The following SPATA17 variants were observed in gnomAD, a reference collection of about 807,000 sequenced individuals.
SPATA17 encodes spermatogenesis-associated protein 17.
SPATA17 carries 53 observed loss-of-function variants against 62.2 expected under a neutral mutation model. The observed-to-expected ratio is 0.85, with a 90% CI of 0.68 to 1.07. The LOEUF (loss-of-function observed/expected upper bound fraction) is 1.07. Among genes scored for constraint, SPATA17 ranks in the 50% least tolerant of loss-of-function variants. The pLI is 0.00. For synonymous variants in SPATA17, 146 were observed against 146.8 expected, an observed-to-expected ratio of 0.99 and a Z score of 0.04; for missense variants, 466 against 425.5, an observed-to-expected ratio of 1.10 and a Z score of -0.84.
intron 5 of SPATA17, among the ~76,000 whole-genome samples, chr1:217,723,432 A>G (rs904394711): frequency 4.6e-5 from 7 of 152,062 alleles, no homozygotes; most frequent in African/African-American, 1.7e-4. Flanking sequence ...CTAACCCCCA[A>G]TCATCCCACC....
chr1:217,672,389 A>G (rs1045097644), intron 4 of SPATA17, among the ~76,000 whole-genome samples: 1 of 152,226 alleles, frequency 6.6e-6, no homozygotes, highest in African/African-American at 2.4e-5. Context: ...CCAGACAGAC[A>G]TATATGTACC....
At chr1:217,640,013 G>T (rs1670023459) in intron 1 of SPATA17, among the ~76,000 whole-genome samples, 3 of 151,268 alleles carry the variant, frequency 2.0e-5, no homozygotes, top group African/African-American at 7.3e-5. Context: ...AATCTGAGTT[G>T]TTCTTGGAAC....
At chr1:217,782,592 A>G (rs947727714) in intron 8 of SPATA17, among the ~76,000 whole-genome samples, 2 of 152,096 alleles carry the variant, frequency 1.3e-5, no homozygotes, top group Non-Finnish European at 2.9e-5. Flanking sequence ...TGTGAAGATA[A>G]TTTTCTTAAT....
intron 9 of SPATA17, among the ~76,000 whole-genome samples, chr1:217,817,915 C>A: frequency 6.6e-6 from 1 of 152,028 alleles, no homozygotes; most frequent in African/African-American, 2.4e-5. Flanking sequence ...TGTATCTCTG[C>A]ATGCTGATTG....
chr1:217,638,704 A>C (rs954322043), intron 1 of SPATA17, among the ~76,000 whole-genome samples: 3 of 152,190 alleles, frequency 2.0e-5, no homozygotes, highest in Non-Finnish European at 4.4e-5. Context: ...GCTACTATGG[A>C]GTTAGAACTA....
chr1:217,864,497 G>A (rs1458444262), intron 10 of SPATA17, among the ~76,000 whole-genome samples: 2 of 151,942 alleles, frequency 1.3e-5, no homozygotes. Flanking sequence ...ATGTATGTGT[G>A]TATACATATA....
intron 5 of SPATA17, among the ~76,000 whole-genome samples, chr1:217,714,271 C>T (rs1394653604): frequency 6.6e-6 from 1 of 151,770 alleles, no homozygotes; most frequent in Non-Finnish European, 1.5e-5. Flanking sequence ...CGCGTGTAAT[C>T]CCAGCTACTC....
intron 5 of SPATA17, among the ~76,000 whole-genome samples, chr1:217,717,910 C>CT (rs35649809): frequency 0.19 from 28,562 of 152,006 alleles, 2,966 homozygotes; most frequent in African/African-American, 0.28. Flanking sequence ...AATAAGAGTC[C>CT]TGTAATTTGG....
chr1:217,854,862 C>T (rs1675746496), intron 9 of SPATA17, among the ~76,000 whole-genome samples: 1 of 152,110 alleles, frequency 6.6e-6, no homozygotes, highest in East Asian at 1.9e-4. Context: ...TCACGGTTTC[C>T]CCAGGGCCAC....
At chr1:217,678,702 A>G (rs1009976786) in intron 4 of SPATA17, among the ~76,000 whole-genome samples, 4 of 152,186 alleles carry the variant, frequency 2.6e-5, no homozygotes, top group Non-Finnish European at 5.9e-5. Context: ...GACCACTTAC[A>G]TTTTGATGTT....
intron 1 of SPATA17, among the ~76,000 whole-genome samples, chr1:217,634,331 T>A (rs547209494): frequency 6.6e-6 from 1 of 152,168 alleles, no homozygotes; most frequent in African/African-American, 2.4e-5. Context: ...TTTTTAAGTA[T>A]GATTTGATGG....
At chr1:217,671,362 C>T (rs969788817) in intron 4 of SPATA17, among the ~76,000 whole-genome samples, 3 of 152,166 alleles carry the variant, frequency 2.0e-5, no homozygotes, top group African/African-American at 4.8e-5. Flanking sequence ...CCTCTTATCC[C>T]ACTTCTCCAC....
chr1:217,633,144 G>C (rs897362349), intron 1 of SPATA17, among the ~76,000 whole-genome samples: 2 of 152,130 alleles, frequency 1.3e-5, no homozygotes, highest in South Asian at 4.1e-4. Context: ...GTTGTAGTGA[G>C]CCGAGATCGC....
At chr1:217,816,149 A>T (rs1674711985) in intron 9 of SPATA17, among the ~76,000 whole-genome samples, 1 of 152,098 alleles carries the variant, frequency 6.6e-6, no homozygotes, top group South Asian at 2.1e-4. Context: ...ATAGATTAAT[A>T]TAGGGGGAAT....
At chr1:217,826,452 ATTAT>A (rs1326269991) in intron 9 of SPATA17, among the ~76,000 whole-genome samples, 1 of 152,082 alleles carries the variant, frequency 6.6e-6, no homozygotes, top group Non-Finnish European at 1.5e-5. Context: ...AATAGGTCTA[ATTAT>A]TTATCTGTTG....
At chr1:217,862,893 A>G (rs758720109) in intron 10 of SPATA17, 37 bp downstream of exon 10, 4 of 1,376,552 alleles carry the variant, frequency 2.9e-6, no homozygotes, top group Non-Finnish European at 4.0e-6. Flanking sequence ...CAAAAAGTAT[A>G]TTAAATAACA....
chr1:217,648,361 G>T (rs1045172277), intron 1 of SPATA17, among the ~76,000 whole-genome samples: 4 of 152,070 alleles, frequency 2.6e-5, no homozygotes, highest in Admixed American at 6.6e-5. Context: ...AAACCCTATG[G>T]CCCTCCCCTT....
At position 217,774,336 on chromosome 1, in the gene SPATA17, T is replaced by C. The variant is rs756165348; in HGVS notation, c.522T>C (p.Ile174=). ...AAAATTGCTTTCTTCTTCTTTAGAT[T>C]CCAGGAATATACAATTCACCCTTCA... ...KMHYLLSTKQ[I]PGIYNSPFRK... is the part of the protein sequence containing the mutation. Residue 174 remains isoleucine, a splice_region_variant and synonymous_variant, in exon 7 of 11, where the codon ATT becomes ATC. Coordinates refer to ENST00000366933, the MANE Select transcript of SPATA17 (RefSeq NM_138796.4). The C allele has an allele frequency of 6.2e-7, 1 of 1,610,728 alleles. No individual in the cohort carries two copies. Among genetic ancestry groups the C allele is most frequent in the African/African-American group, 1.3e-5 (1 of 74,668 alleles).
At chr1:217,661,944 C>T (rs755892249) in intron 3 of SPATA17, among the ~76,000 whole-genome samples, 24 of 152,064 alleles carry the variant, frequency 1.6e-4, no homozygotes, top group Non-Finnish European at 2.9e-4. Context: ...TTTTCCTTAC[C>T]CCTTCCTTAC....
Sources: allele counts gnomAD v4.1 joint callset (sites outside exome capture counted in the v4.1 genomes callset), GRCh38; gene constraint gnomAD v4.1.1; transcripts MANE v1.5; gene names NCBI Gene and HGNC (gene_info 2026-07-23, HGNC 2026-07-21).